INSR: variants seen among roughly 807,000 people sequenced by gnomAD.
The protein encoded by INSR is IR.
In INSR, 67 loss-of-function variants were observed where a neutral mutation model predicts 142.6. The ratio of observed to expected loss-of-function variants is 0.47; its 90% CI spans 0.39 to 0.58. The LOEUF is 0.58. Among genes scored for constraint, INSR ranks in the 20% least tolerant of loss-of-function variants. INSR has a pLI of 0.00. For missense variants in INSR, 1,248 were observed against 1,833.2 expected (o/e 0.68, Z 5.83); for synonymous variants, 756 against 743.1 (o/e 1.02, Z -0.28).
intron 1 of INSR, among the ~76,000 whole-genome samples, chr19:7,281,866 C>G (rs192098131): frequency 3.9e-4 from 60 of 152,260 alleles, no homozygotes; most frequent in Admixed American, 3.3e-3. Context: ...AGCATCCTGC[C>G]TTTCCTGAAC....
intron 2 of INSR, among the ~76,000 whole-genome samples, chr19:7,206,628 G>C (rs898338205): frequency 5.3e-5 from 8 of 152,112 alleles, no homozygotes; most frequent in Non-Finnish European, 1.2e-4. Flanking sequence ...TTGATGATCT[G>C]TCACTGTCTC....
Position 7,126,608 on chromosome 19 carries a change from G to A in INSR, c.2989C>T (p.Pro997Ser). ...CCATCACTGGCACTGAGATACTCAG[G>A]GTTTGAAGAAGCGTAAAGCGGTCCC... ...PLGPLYASSN[P>S]EYLSASDVFP... Residue 997 changes from proline (P) to serine (S), a missense_variant, in exon 16 of 22, where the codon CCT (proline) becomes TCT (serine). This residue lies in a region of INSR where 1,069 missense variants were observed against 1,654.0 expected (regional missense o/e 0.65). Transcript: ENST00000302850. 1 of 1,564,274 alleles carries A rather than the reference G, an allele frequency of 6.4e-7. No individual in the cohort carries two copies. The highest frequency in any genetic ancestry group is 8.7e-7 in the Non-Finnish European group (1 of 1,152,648).
rs776696633 is a variant in INSR at position 7,125,322 on chromosome 19, A to G, written c.3219T>C (p.Asn1073=). ...TGAAGCCCTTCATGACCGAGGCCTC[A>G]TTGAGGAACTCAATCCGCTCTCGGA... ...ASLRERIEFL[N]EASVMKGFTC... The change falls in exon 17 of 22, where the codon AAT becomes AAC. Residue 1073 remains asparagine, a synonymous_variant. Coordinates refer to ENST00000302850, the MANE Select transcript of INSR (RefSeq NM_000208.4). The surrounding 1 kb of genome is among the most constrained non-coding windows in gnomAD (Gnocchi z 4.9). 4 of 1,614,098 alleles carry G rather than the reference A, an allele frequency of 2.5e-6. No homozygotes were observed. Among genetic ancestry groups the G allele is most frequent in the Non-Finnish European group, 1.7e-6 (2 of 1,180,022 alleles).
At chr19:7,162,965 T>G (rs939257742) in intron 9 of INSR, 67 bp downstream of exon 9, 2 of 1,503,940 alleles carry the variant, frequency 1.3e-6, no homozygotes, top group African/African-American at 2.8e-5. Flanking sequence ...TCCCTAGAGG[T>G]GAAGCAAAGT....
At chr19:7,149,403 C>G (rs958351881) in intron 11 of INSR, among the ~76,000 whole-genome samples, 6 of 152,192 alleles carry the variant, frequency 3.9e-5, no homozygotes, top group Non-Finnish European at 5.9e-5. Context: ...CCTCTTTAGT[C>G]TCACCTCCTG....
rs1292947176 is a variant in INSR, at chr19:7,115,558, C to A, written c.*1498G>T. On this transcript the variant is annotated 3_prime_UTR_variant, in exon 22 of 22. Coordinates refer to ENST00000302850, the MANE Select transcript of INSR (RefSeq NM_000208.4). ...AGACGTACTCTCAGTGCACCTCTCT[C>A]TTACATTGCTTAGATGTTCCCAAAG... 1.3e-5 allele frequency: 2 copies of A among 152,178 alleles called. No individual in the cohort carries two copies. Among genetic ancestry groups the A allele is most frequent in the Non-Finnish European group, 2.9e-5 (2 of 68,062 alleles). The allele number at this position is 152,178 out of a possible 1,614,324, so 9.4% of individuals were successfully genotyped here.
intron 2 of INSR, among the ~76,000 whole-genome samples, chr19:7,246,686 C>A (rs1190740064): frequency 6.6e-6 from 1 of 151,992 alleles, no homozygotes; most frequent in Non-Finnish European, 1.5e-5. Context: ...AACAAGTTCC[C>A]AGTTTTATGT....
intron 17 of INSR, 58 bp from the exon 18 acceptor site, chr19:7,123,047 T>C (rs1416645182): frequency 1.6e-5 from 20 of 1,243,592 alleles, no homozygotes; most frequent in Non-Finnish European, 2.3e-5. Flanking sequence ...CTCACCAGGG[T>C]TCTCCTCCCT....
intron 2 of INSR, among the ~76,000 whole-genome samples, chr19:7,229,562 T>C (rs2145122561): frequency 6.6e-6 from 1 of 152,292 alleles, no homozygotes; most frequent in Non-Finnish European, 1.5e-5. Context: ...AAGGTGCTCC[T>C]TCTCTCCATC....
At chr19:7,272,164 G>A (rs1967943488) in intron 1 of INSR, among the ~76,000 whole-genome samples, 1 of 152,126 alleles carries the variant, frequency 6.6e-6, no homozygotes, top group Admixed American at 6.6e-5. Flanking sequence ...AAATTAGCTG[G>A]GCATGGTGGC....
chr19:7,136,074 C>T (rs1972917973), intron 13 of INSR, among the ~76,000 whole-genome samples: 1 of 152,084 alleles, frequency 6.6e-6, no homozygotes, highest in African/African-American at 2.4e-5. Context: ...TTCTCCTCAT[C>T]CTCACCGACA....
intron 15 of INSR, among the ~76,000 whole-genome samples, chr19:7,128,170 C>CATAT (rs1972690397): frequency 1.3e-5 from 2 of 151,972 alleles, no homozygotes; most frequent in African/African-American, 4.8e-5. Flanking sequence ...AGACGTCACT[C>CATAT]ATATCACTGA....
intron 1 of INSR, among the ~76,000 whole-genome samples, chr19:7,275,545 G>A (rs1202926100): frequency 1.3e-5 from 2 of 152,034 alleles, no homozygotes; most frequent in Non-Finnish European, 2.9e-5. Context: ...CACTTTGGGA[G>A]GCCAAGGCGG....
chr19:7,118,709 G>C (rs574372126), intron 21 of INSR, among the ~76,000 whole-genome samples: 1 of 149,944 alleles, frequency 6.7e-6, no homozygotes, highest in East Asian at 2.0e-4. Context: ...ACGAGGTCAG[G>C]AGATCGAGAC....
At chr19:7,177,843 G>C (rs925448055) in intron 3 of INSR, among the ~76,000 whole-genome samples, 1 of 151,070 alleles carries the variant, frequency 6.6e-6, no homozygotes, top group South Asian at 2.1e-4. Context: ...AACCGTGCCC[G>C]GCCAGTTAAG....
intron 1 of INSR, among the ~76,000 whole-genome samples, chr19:7,270,107 G>A (rs963216312): frequency 7.9e-5 from 12 of 151,950 alleles, no homozygotes; most frequent in East Asian, 3.9e-4. Flanking sequence ...CCAACACCAC[G>A]CCCAGCTAAT....
In INSR at chr19:7,221,478, C is replaced by A. The variant is rs142134927; in HGVS notation, c.653-36841G>T. Among the ~76,000 whole-genome samples, 736 of 151,998 alleles carry A rather than the reference C, an allele frequency of 4.8e-3. 3 individuals carry two copies. Among genetic ancestry groups the A allele is most frequent in the African/African-American group, 0.017 (689 of 41,482 alleles). On this transcript the variant is annotated intron_variant, in intron 2 of 21. Transcript: ENST00000302850. ...ATCCCAGCACTTTGGGAGGCCGAGG[C>A]GGGCGGATCACCTGAGGTCAGGAGT...
intron 2 of INSR, among the ~76,000 whole-genome samples, chr19:7,210,839 C>T (rs1204943988): frequency 3.9e-5 from 6 of 152,032 alleles, no homozygotes; most frequent in Non-Finnish European, 1.5e-5. Flanking sequence ...AAGCAATTCT[C>T]CTGCCTCTGC....
At chr19:7,139,057 C>T (rs1265641781) in intron 13 of INSR, among the ~76,000 whole-genome samples, 3 of 152,072 alleles carry the variant, frequency 2.0e-5, no homozygotes, top group Admixed American at 6.6e-5. Context: ...CAAACAGAGT[C>T]CTAAGAAGTG....
Sources: gnomAD v4.1 joint callset for allele counts (sites outside exome capture counted in the v4.1 genomes callset) on GRCh38, gnomAD v4.1.1 for gene constraint, gnomAD v4.1.1 regional missense constraint, Gnocchi (gnomAD v3.1) non-coding constraint, MANE v1.5 for transcripts, NCBI Gene and HGNC (gene_info 2026-07-23, HGNC 2026-07-21) for gene names.